The following INPP4B variants were observed in gnomAD, a reference collection of about 807,000 sequenced individuals.
INPP4B encodes the protein inositol polyphosphate-4-phosphatase type II B.
In INPP4B, 55 loss-of-function variants were observed where a neutral mutation model predicts 122.5. The ratio of observed to expected loss-of-function variants is 0.45; its 90% CI spans 0.36 to 0.56. The LOEUF (loss-of-function observed/expected upper bound fraction) is 0.56. Among genes scored for constraint, INPP4B ranks in the 20% least tolerant of loss-of-function variants. The pLI, the probability that INPP4B is intolerant of heterozygous loss-of-function variation, is 0.00. For synonymous variants in INPP4B, 403 were observed against 388.7 expected (o/e 1.04, Z -0.43); for missense variants, 1,000 against 1,097.7 (o/e 0.91, Z 1.26).
chr4:142,142,857 C>A (rs1055409588), intron 18 of INPP4B, among the ~76,000 whole-genome samples: 1 of 151,990 alleles, frequency 6.6e-6, no homozygotes, highest in Admixed American at 6.6e-5. Context: ...GTGAATAAAG[C>A]ACCACATGGA....
chr4:142,549,955 A>G (rs572921673), intron 2 of INPP4B, among the ~76,000 whole-genome samples: 10 of 152,134 alleles, frequency 6.6e-5, no homozygotes, highest in Admixed American at 5.9e-4. Flanking sequence ...AGCCTCGTGT[A>G]TTAGGAGGAG....
At chr4:142,067,507 G>C (rs571686784) in intron 25 of INPP4B, among the ~76,000 whole-genome samples, 22 of 152,318 alleles carry the variant, frequency 1.4e-4, no homozygotes, top group African/African-American at 5.3e-4. Flanking sequence ...GAAGGCTTCA[G>C]ACGATCGGTA....
chr4:142,424,083 G>C (rs563415951), intron 5 of INPP4B, among the ~76,000 whole-genome samples: 1 of 151,926 alleles, frequency 6.6e-6, no homozygotes, highest in Non-Finnish European at 1.5e-5. Flanking sequence ...ACTCTAGAAT[G>C]TAATTTCCCC....
chr4:142,108,586 A>G (rs1008047825), intron 22 of INPP4B, among the ~76,000 whole-genome samples: 1 of 152,114 alleles, frequency 6.6e-6, no homozygotes, highest in African/African-American at 2.4e-5. Context: ...CACTCGTGGC[A>G]GCTGAGGGAG....
At chr4:142,052,189 T>C (rs539767142) in intron 25 of INPP4B, among the ~76,000 whole-genome samples, 1 of 152,084 alleles carries the variant, frequency 6.6e-6, no homozygotes, top group Admixed American at 6.6e-5. Context: ...TCACAAATTG[T>C]CCAAATATTT....
chr4:142,086,538 G>T (rs1312458631), intron 23 of INPP4B, among the ~76,000 whole-genome samples: 11 of 152,040 alleles, frequency 7.2e-5, no homozygotes, highest in Non-Finnish European at 2.9e-5. Context: ...ATTTTTTGCA[G>T]AGACAGGGTT....
At chr4:142,500,574 C>T (rs1207403558) in intron 2 of INPP4B, among the ~76,000 whole-genome samples, 2 of 152,182 alleles carry the variant, frequency 1.3e-5, no homozygotes, top group Non-Finnish European at 2.9e-5. Context: ...CATTCCATTG[C>T]ATGTATATAC....
chr4:142,432,005 A>C (rs1379257109), intron 3 of INPP4B, among the ~76,000 whole-genome samples: 1 of 152,108 alleles, frequency 6.6e-6, no homozygotes, highest in Admixed American at 6.6e-5. Context: ...TCTTCTAAAA[A>C]GCTAAAGCTC....
intron 1 of INPP4B, among the ~76,000 whole-genome samples, chr4:142,771,966 C>T (rs905457988): frequency 6.6e-6 from 1 of 152,066 alleles, no homozygotes; most frequent in Non-Finnish European, 1.5e-5. Context: ...GCTGAGAGAA[C>T]AGTACTGCAG....
chr4:142,257,814 G>T (rs1737173943), intron 11 of INPP4B, among the ~76,000 whole-genome samples: 2 of 151,464 alleles, frequency 1.3e-5, no homozygotes. Flanking sequence ...TCCCCATCAA[G>T]CTACAAATGA....
chr4:142,663,728 T>C (rs868188579), intron 2 of INPP4B, among the ~76,000 whole-genome samples: 2 of 152,158 alleles, frequency 1.3e-5, no homozygotes, highest in Admixed American at 6.5e-5. Flanking sequence ...TGAAAGACCA[T>C]TTTAATTGTG....
At chr4:142,832,766 C>T (rs1033072521) in intron 1 of INPP4B, among the ~76,000 whole-genome samples, 2 of 151,746 alleles carry the variant, frequency 1.3e-5, no homozygotes, top group Non-Finnish European at 2.9e-5. Flanking sequence ...ACTCCCCCCC[C>T]GCATTGTCTT....
chr4:142,519,647 C>G (rs1277897157), intron 2 of INPP4B, among the ~76,000 whole-genome samples: 2 of 152,158 alleles, frequency 1.3e-5, no homozygotes, highest in Non-Finnish European at 2.9e-5. Flanking sequence ...TGTAACTTCA[C>G]TGTGAGTCAT....
intron 2 of INPP4B, among the ~76,000 whole-genome samples, chr4:142,708,987 G>A (rs1762793457): frequency 6.6e-6 from 1 of 152,114 alleles, no homozygotes; most frequent in South Asian, 2.1e-4. Context: ...AACCACAGGG[G>A]CAGAGATGAC....
intron 25 of INPP4B, among the ~76,000 whole-genome samples, chr4:142,077,639 A>G (rs575150512): frequency 1.1e-4 from 17 of 151,816 alleles, no homozygotes; most frequent in Non-Finnish European, 1.6e-4. Context: ...TTAGCATTCC[A>G]TGGAGAGTCC....
intron 2 of INPP4B, among the ~76,000 whole-genome samples, chr4:142,601,475 AG>A (rs1739892063): frequency 6.6e-6 from 1 of 152,052 alleles, no homozygotes; most frequent in African/African-American, 2.4e-5. Context: ...AAAGAAATTA[AG>A]ATGAAAATCA....
chr4:142,802,432 G>A (rs543675247), intron 1 of INPP4B, among the ~76,000 whole-genome samples: 1 of 152,272 alleles, frequency 6.6e-6, no homozygotes, highest in African/African-American at 2.4e-5. Context: ...TTGTGAGAAT[G>A]AGAGTCCCAA....
intron 7 of INPP4B, among the ~76,000 whole-genome samples, chr4:142,380,230 G>T (rs1057456938): frequency 6.6e-6 from 1 of 152,132 alleles, no homozygotes; most frequent in South Asian, 2.1e-4. Context: ...GCAGATCTTC[G>T]CATTCCCTTT....
chr4:142,276,586 C>A (rs1349236918), intron 9 of INPP4B, among the ~76,000 whole-genome samples: 1 of 151,864 alleles, frequency 6.6e-6, no homozygotes, highest in East Asian at 1.9e-4. Context: ...AGATTGTAAA[C>A]CATCCTACTT....
Sources: gnomAD v4.1 joint callset for allele counts (sites outside exome capture counted in the v4.1 genomes callset) on GRCh38, gnomAD v4.1.1 for gene constraint, MANE v1.5 for transcripts, NCBI Gene and HGNC (gene_info 2026-07-23, HGNC 2026-07-21) for gene names.